Variants in SPEM2 observed in about 807,000 individuals in gnomAD.
SPEM2 encodes the protein uncharacterized protein SPEM2.
Under a neutral mutation model 9.3 loss-of-function variants are expected in SPEM2, and 15 were observed. That is an observed-to-expected ratio of 1.62 (90% CI 1.08 to 2.50). The LOEUF is 2.50. Among genes scored for constraint, SPEM2 ranks in the 30% most tolerant of loss-of-function variants. SPEM2 has a pLI of 0.00. For synonymous variants in SPEM2, 268 were observed against 272.4 expected (o/e 0.98, Z 0.16); for missense variants, 678 against 690.0 (o/e 0.98, Z 0.19).
Position 7,427,395 on chromosome 17 carries a change from G to A in SPEM2, c.1404G>A (p.Arg468=). The change falls in exon 3 of 3, where the codon CGG becomes CGA. Residue 468 remains arginine, a synonymous_variant. Coordinates refer to ENST00000333870, the MANE Select transcript of SPEM2 (RefSeq NM_175734.5). The surrounding 1 kb of genome is among the most constrained non-coding windows in gnomAD (Gnocchi z 5.4). The part of the protein sequence containing the change: ...YQVYDSLELK[R]QVQKSRARSS... ...TGTACGACAGCCTGGAGCTGAAGCG[G>A]CAGGTGCAGAAGAGCAGAGCCAGGT... The A allele has an allele frequency of 3.7e-6, 6 of 1,613,828 alleles. No individual in the cohort carries two copies. Among genetic ancestry groups the A allele is most frequent in the Non-Finnish European group, 5.1e-6 (6 of 1,179,974 alleles).
Position 7,426,393 on chromosome 17 carries a change from T to TCGC in SPEM2, c.405_407dup (p.Arg137dup). On this transcript the variant is annotated inframe_insertion, in exon 3 of 3. Coordinates refer to ENST00000333870, the MANE Select transcript of SPEM2 (RefSeq NM_175734.5). This position sits in a 1 kb window ranked among gnomAD's most constrained non-coding sequence, Gnocchi z 5.3. ...GCCGCCGCCGCCGCCACCGCCGTTGTCGCCGTCGCTGCTGCAACCACCAGC... is the reference window on the plus strand; with the variant it reads ...GCCGCCGCCGCCGCCACCGCCGTTGTCGCCGCCGTCGCTGCTGCAACCACCAGC... 2.5e-6 allele frequency: 4 copies of TCGC among 1,613,548 alleles called. No homozygotes were observed. The highest frequency in any genetic ancestry group is 3.4e-6 in the Non-Finnish European group (4 of 1,179,996).
Position 7,426,209 on chromosome 17 carries a change from G to A in SPEM2, c.218G>A (p.Ser73Asn), listed in dbSNP as rs1206188726. 2.5e-6 allele frequency: 4 copies of A among 1,613,586 alleles called. No homozygotes were observed. Among genetic ancestry groups the A allele is most frequent in the Non-Finnish European group, 2.5e-6 (3 of 1,179,658 alleles). The change falls in exon 3 of 3, where the codon AGT (serine) becomes AAT (asparagine). Residue 73 changes from serine to asparagine, a missense_variant. Physicochemically the swap from Ser to Asn is conservative, Grantham distance 46. Transcript: ENST00000333870. The surrounding 1 kb of genome is among the most constrained non-coding windows in gnomAD (Gnocchi z 5.3). ...CCAGATGAAATTCAGGCCAGTGAAA[G>A]TCCCCCAAGTGGTCCCCCAGACAAG... Reference protein sequence around the residue: ...TQKNEIQASESPPSGPPDKAQ... With the variant: ...TQKNEIQASENPPSGPPDKAQ...
rs751398074 is a variant in SPEM2 at position 7,426,779 on chromosome 17, C to T, written c.788C>T (p.Ser263Phe). The T allele has an allele frequency of 6.2e-7, 1 of 1,602,452 alleles. No individual in the cohort carries two copies. The change falls in exon 3 of 3, where the codon TCC becomes TTC. Residue 263 changes from serine to phenylalanine, a missense_variant. Physicochemically the swap from Ser to Phe is radical, Grantham distance 155 (BLOSUM62 -2). Coordinates refer to ENST00000333870, the MANE Select transcript of SPEM2 (RefSeq NM_175734.5). The surrounding 1 kb of genome is among the most constrained non-coding windows in gnomAD (Gnocchi z 5.3). ...LRLQSYGRHG[S>F]QSRLWGNVEA... is the part of the protein sequence containing the mutation. ...CTGCAGTCCTATGGGCGCCACGGTT[C>T]CCAATCCCGACTGTGGGGCAATGTG...
In SPEM2 at chr17:7,426,374, G is replaced by A. The variant is rs1342856745; in HGVS notation, c.383G>A (p.Arg128His). The stretch of plus-strand genomic sequence containing the variant: ...CTTCTTCGCTGTGTTCGTCGCCGCC[G>A]CCGCCGCCACCGCCGTTGTCGCCGT... ...SSLLRCVRRRRRRHRRCRRRC... is the reference protein window; with the variant it reads ...SSLLRCVRRRHRRHRRCRRRC... Residue 128 changes from arginine to histidine, a missense_variant, in exon 3 of 3, where the codon CGC (arginine) becomes CAC (histidine). By Grantham distance (29) the Arg-to-His change is conservative (BLOSUM62 0). Coordinates refer to ENST00000333870, the MANE Select transcript of SPEM2 (RefSeq NM_175734.5). This position sits in a 1 kb window ranked among gnomAD's most constrained non-coding sequence, Gnocchi z 5.3. The A allele has an allele frequency of 3.2e-5, 51 of 1,613,208 alleles. No individual in the cohort carries two copies. The highest frequency in any genetic ancestry group is 3.6e-5 in the Non-Finnish European group (43 of 1,179,972).
chr17:7,426,400 C>T lies in SPEM2; in HGVS notation c.409C>T (p.Arg137Cys), dbSNP rs1214261809. 5 of 1,613,480 alleles carry T rather than the reference C, an allele frequency of 3.1e-6. No individual in the cohort carries two copies. Among genetic ancestry groups the T allele is most frequent in the African/African-American group, 1.3e-5 (1 of 74,918 alleles). ...CCGCCGCCACCGCCGTTGTCGCCGT[C>T]GCTGCTGCAACCACCAGCAGCGGCC... ...RRRRHRRCRR[R>C]CCNHQQRPQN... Residue 137 changes from arginine to cysteine, a missense_variant, in exon 3 of 3, where the codon CGC becomes TGC. Coordinates refer to ENST00000333870, the MANE Select transcript of SPEM2 (RefSeq NM_175734.5). This position sits in a 1 kb window ranked among gnomAD's most constrained non-coding sequence, Gnocchi z 5.3.
rs772755354 is a variant in SPEM2 at position 7,427,428 on chromosome 17, A to T, written c.1437A>T (p.Ser479=). The change falls in exon 3 of 3, where the codon TCA becomes TCT. Residue 479 remains serine, a synonymous_variant. Coordinates refer to ENST00000333870, the MANE Select transcript of SPEM2 (RefSeq NM_175734.5). This position sits in a 1 kb window ranked among gnomAD's most constrained non-coding sequence, Gnocchi z 5.4. ...QVQKSRARSS[S]LPPASTSTLR... ...AGAAGAGCAGAGCCAGGTCCAGCTC[A>T]CTGCCACCGGCTTCCACCTCCACCT... 18 of 1,609,124 alleles carry T rather than the reference A, an allele frequency of 1.1e-5. No homozygotes were observed. The highest frequency in any genetic ancestry group is 1.5e-5 in the Non-Finnish European group (18 of 1,177,040).
chr17:7,425,998 G>T lies in SPEM2; in HGVS notation c.144G>T (p.Trp48Cys). Reference sequence around the variant, plus strand: ...TCTCTTCCACCCTGCCCCAGATGTGGCATGGACTCCAGAACGCCTTAGACA... The same window carrying T: ...TCTCTTCCACCCTGCCCCAGATGTGTCATGGACTCCAGAACGCCTTAGACA... ...NIGINVATMMWHGLQNALDKM... is the reference protein window; with the variant it reads ...NIGINVATMMCHGLQNALDKM... Residue 48 changes from tryptophan to cysteine, a missense_variant, in exon 2 of 3, where the codon TGG becomes TGT. Coordinates refer to ENST00000333870, the MANE Select transcript of SPEM2 (RefSeq NM_175734.5). The T allele has an allele frequency of 1.2e-6, 2 of 1,614,186 alleles. No homozygotes were observed. The highest frequency in any genetic ancestry group is 8.5e-7 in the Non-Finnish European group (1 of 1,180,036).
chr17:7,425,842 G>A lies in SPEM2; in HGVS notation c.138+16G>A, dbSNP rs1907569063. 2 of 1,614,118 alleles carry A rather than the reference G, an allele frequency of 1.2e-6. No individual in the cohort carries two copies. Among genetic ancestry groups the A allele is most frequent in the South Asian group, 2.2e-5 (2 of 91,084 alleles). On this transcript the variant is annotated intron_variant, in intron 1 of 2. Coordinates refer to ENST00000333870, the MANE Select transcript of SPEM2 (RefSeq NM_175734.5). ...GGCAACTATGGTCAGTGATGATTGT[G>A]GACTACCTCTGGGGGTGAACAGGGC... is the stretch of plus-strand genomic sequence containing the variant.
In SPEM2 at chr17:7,427,171, G is replaced by A. The variant is rs755920164; in HGVS notation, c.1180G>A (p.Ala394Thr). The A allele has an allele frequency of 6.2e-6, 10 of 1,613,778 alleles. No homozygotes were observed. Among genetic ancestry groups the A allele is most frequent in the African/African-American group, 1.3e-5 (1 of 74,908 alleles). The change falls in exon 3 of 3, where the codon GCC (alanine) becomes ACC (threonine). Residue 394 changes from alanine to threonine, a missense_variant. Physicochemically the swap from Ala to Thr is moderately conservative, Grantham distance 58 (BLOSUM62 0). Coordinates refer to ENST00000333870, the MANE Select transcript of SPEM2 (RefSeq NM_175734.5). The surrounding 1 kb of genome is among the most constrained non-coding windows in gnomAD (Gnocchi z 5.4). Reference protein sequence around the residue: ...RAADWAEALPAWRPLTTSASL... With the variant: ...RAADWAEALPTWRPLTTSASL... Reference sequence around the variant, plus strand: ...AGCTGACTGGGCTGAGGCTCTGCCCGCCTGGCGTCCTCTGACTACCTCTGC... The same window carrying A: ...AGCTGACTGGGCTGAGGCTCTGCCCACCTGGCGTCCTCTGACTACCTCTGC...
chr17:7,426,397 C>T lies in SPEM2; in HGVS notation c.406C>T (p.Arg136Cys), dbSNP rs765579933. ...CCGCCGCCGCCACCGCCGTTGTCGC[C>T]GTCGCTGCTGCAACCACCAGCAGCG... ...RRRRRHRRCR[R>C]RCCNHQQRPQ... The change falls in exon 3 of 3, where the codon CGT (arginine) becomes TGT (cysteine). Residue 136 changes from arginine to cysteine, a missense_variant. Coordinates refer to ENST00000333870, the MANE Select transcript of SPEM2 (RefSeq NM_175734.5). This position sits in a 1 kb window ranked among gnomAD's most constrained non-coding sequence, Gnocchi z 5.3. 2.7e-5 allele frequency: 43 copies of T among 1,613,462 alleles called. 1 individual carries two copies. The highest frequency in any genetic ancestry group is 2.4e-4 in the African/African-American group (18 of 74,902).
At chr17:7,425,932 G>T in intron 1 of SPEM2, 61 bp from the exon 2 acceptor site, 1 of 1,611,512 alleles carries the variant, frequency 6.2e-7, no homozygotes, top group African/African-American at 1.3e-5. Context: ...TGGGGCGGGG[G>T]CAGGGGTGGT....
rs777593959 is a variant in SPEM2 at position 7,427,257 on chromosome 17, G to T, written c.1266G>T (p.Leu422=). The change falls in exon 3 of 3, where the codon CTG becomes CTT. Residue 422 remains leucine (L), a synonymous_variant. Coordinates refer to ENST00000333870, the MANE Select transcript of SPEM2 (RefSeq NM_175734.5). This position sits in a 1 kb window ranked among gnomAD's most constrained non-coding sequence, Gnocchi z 5.4. The part of the protein sequence containing the change: ...HQRTPAPSSV[L]VPHSSQPWPK... ...GGACCCCAGCTCCAAGCTCAGTGCTGGTCCCCCATTCCTCCCAGCCCTGGC... is the reference window on the plus strand; with the variant it reads ...GGACCCCAGCTCCAAGCTCAGTGCTTGTCCCCCATTCCTCCCAGCCCTGGC... 3 of 1,614,192 alleles carry T rather than the reference G, an allele frequency of 1.9e-6. No homozygotes were observed. Among genetic ancestry groups the T allele is most frequent in the Non-Finnish European group, 2.5e-6 (3 of 1,180,026 alleles).
rs781055493 is a variant in SPEM2, at chr17:7,425,736, C to T, written c.48C>T (p.Tyr16=). The change falls in exon 1 of 3, where the codon TAC becomes TAT. Residue 16 remains tyrosine, a synonymous_variant. Coordinates refer to ENST00000333870, the MANE Select transcript of SPEM2 (RefSeq NM_175734.5). ...WHNTVRCCNQ[Y]QESPHDAEDI... ...ACACCGTGAGATGTTGCAATCAATA[C>T]CAAGAAAGCCCCCACGATGCCGAGG... 1.2e-6 allele frequency: 2 copies of T among 1,614,188 alleles called. No homozygotes were observed.
chr17:7,425,684 C>A lies in SPEM2; in HGVS notation c.-5C>A, dbSNP rs753061565. The A allele has an allele frequency of 1.6e-5, 26 of 1,613,232 alleles. No homozygotes were observed. Among genetic ancestry groups the A allele is most frequent in the African/African-American group, 2.7e-5 (2 of 74,890 alleles). On this transcript the variant is annotated 5_prime_UTR_variant, in exon 1 of 3. Transcript: ENST00000333870. ...TGGCCCAGGTGGCCCTAGGACCCCC[C>A]CTCCATGGAAAACCAGCTATGGCAT...
chr17:7,427,234 A>G lies in SPEM2; in HGVS notation c.1243A>G (p.Thr415Ala). 5 of 1,613,946 alleles carry G rather than the reference A, an allele frequency of 3.1e-6. No homozygotes were observed. Among genetic ancestry groups the G allele is most frequent in the Non-Finnish European group, 4.2e-6 (5 of 1,179,946 alleles). Residue 415 changes from threonine (T) to alanine (A), a missense_variant, in exon 3 of 3, where the codon ACC becomes GCC. Coordinates refer to ENST00000333870, the MANE Select transcript of SPEM2 (RefSeq NM_175734.5). This position sits in a 1 kb window ranked among gnomAD's most constrained non-coding sequence, Gnocchi z 5.4. ...GTTGGACGAGGCCTCCCATCAACGG[A>G]CCCCAGCTCCAAGCTCAGTGCTGGT... ...TVLDEASHQR[T>A]PAPSSVLVPH...
Position 7,427,543 on chromosome 17 carries a change from A to G in SPEM2, c.*46A>G. ...GTGGGGCAGGGCATGGAGGGAGAGGAATAAAGAGAAACAGAGTCCAGGAAA... is the reference window on the plus strand; with the variant it reads ...GTGGGGCAGGGCATGGAGGGAGAGGGATAAAGAGAAACAGAGTCCAGGAAA... On this transcript the variant is annotated 3_prime_UTR_variant, in exon 3 of 3. Transcript: ENST00000333870. This position sits in a 1 kb window ranked among gnomAD's most constrained non-coding sequence, Gnocchi z 5.4. The G allele has an allele frequency of 6.6e-7, 1 of 1,521,960 alleles. No homozygotes were observed. 94.3% of individuals were successfully genotyped at this position (1,521,960 alleles called of 1,614,324 possible).
At position 7,427,108 on chromosome 17, in the gene SPEM2, T is replaced by C; in HGVS notation, c.1117T>C (p.Tyr373His). The change falls in exon 3 of 3, where the codon TAC (tyrosine) becomes CAC (histidine). Residue 373 changes from tyrosine to histidine, a missense_variant. By Grantham distance (83) the Tyr-to-His change is moderately conservative. Transcript: ENST00000333870. This position sits in a 1 kb window ranked among gnomAD's most constrained non-coding sequence, Gnocchi z 5.4. ...SPHPSTEPLG[Y>H]SSQDPREVRR... ...CCACCCATCCACGGAACCCTTGGGCTACAGCTCCCAGGACCCCCGTGAGGT... is the reference window on the plus strand; with the variant it reads ...CCACCCATCCACGGAACCCTTGGGCCACAGCTCCCAGGACCCCCGTGAGGT... 1 of 1,613,650 alleles carries C rather than the reference T, an allele frequency of 6.2e-7. No individual in the cohort carries two copies. The highest frequency in any genetic ancestry group is 1.1e-5 in the South Asian group (1 of 91,018).
rs1179794274 is a variant in SPEM2, at chr17:7,426,234, G to A, written c.243G>A (p.Lys81=). 6.2e-7 allele frequency: 1 copy of A among 1,613,980 alleles called. No individual in the cohort carries two copies. Among genetic ancestry groups the A allele is most frequent in the South Asian group, 1.1e-5 (1 of 91,082 alleles). ...GTCCCCCAAGTGGTCCCCCAGACAAGGCTCAGGATGTCCACATCCACTGCA... is the reference window on the plus strand; with the variant it reads ...GTCCCCCAAGTGGTCCCCCAGACAAAGCTCAGGATGTCCACATCCACTGCA... The part of the protein sequence containing the change: ...SESPPSGPPD[K]AQDVHIHCIL... The change falls in exon 3 of 3, where the codon AAG becomes AAA. Residue 81 remains lysine (K), a synonymous_variant. Coordinates refer to ENST00000333870, the MANE Select transcript of SPEM2 (RefSeq NM_175734.5). This position sits in a 1 kb window ranked among gnomAD's most constrained non-coding sequence, Gnocchi z 5.3.
Position 7,426,398 on chromosome 17 carries a change from G to A in SPEM2, c.407G>A (p.Arg136His), listed in dbSNP as rs750823327. The change falls in exon 3 of 3, where the codon CGT becomes CAT. Residue 136 changes from arginine to histidine, a missense_variant. By Grantham distance (29) the Arg-to-His change is conservative (BLOSUM62 0). Coordinates refer to ENST00000333870, the MANE Select transcript of SPEM2 (RefSeq NM_175734.5). This position sits in a 1 kb window ranked among gnomAD's most constrained non-coding sequence, Gnocchi z 5.3. The part of the protein sequence containing the change: ...RRRRRHRRCR[R>H]RCCNHQQRPQ... Reference sequence around the variant, plus strand: ...CGCCGCCGCCACCGCCGTTGTCGCCGTCGCTGCTGCAACCACCAGCAGCGG... The same window carrying A: ...CGCCGCCGCCACCGCCGTTGTCGCCATCGCTGCTGCAACCACCAGCAGCGG... The A allele has an allele frequency of 4.7e-5, 76 of 1,613,392 alleles. No homozygotes were observed. The highest frequency in any genetic ancestry group is 8.9e-5 in the East Asian group (4 of 44,900).
Sources: gnomAD v4.1 joint callset for allele counts on GRCh38, gnomAD v4.1.1 for gene constraint, Gnocchi (gnomAD v3.1) non-coding constraint, MANE v1.5 for transcripts, NCBI Gene and HGNC (gene_info 2026-07-23, HGNC 2026-07-21) for gene names.